The following CHODL variants were observed in gnomAD, a reference collection of about 807,000 sequenced individuals.
CHODL encodes transmembrane protein MT75.
Under a neutral mutation model 34.5 loss-of-function variants are expected in CHODL, and 29 were observed. The ratio of observed to expected loss-of-function variants is 0.84; its 90% CI spans 0.63 to 1.15. The LOEUF is 1.15. Ranked by LOEUF, CHODL falls within the 50% of genes most tolerant of loss-of-function variation. CHODL has a pLI of 0.00. For synonymous variants in CHODL, 125 were observed against 116.1 expected, an observed-to-expected ratio of 1.08 and a Z score of -0.49; for missense variants, 332 against 332.5, an observed-to-expected ratio of 1.00 and a Z score of 0.01.
intron 2 of CHODL, among the ~76,000 whole-genome samples, chr21:18,079,451 G>A (rs774560119): frequency 4.0e-4 from 58 of 144,368 alleles, no homozygotes; most frequent in Middle Eastern, 3.6e-3. Flanking sequence ...ATATACCATA[G>A]AATATTATAT....
At chr21:18,223,877 A>G (rs1177666014) in intron 2 of CHODL, among the ~76,000 whole-genome samples, 3 of 152,218 alleles carry the variant, frequency 2.0e-5, no homozygotes, top group Non-Finnish European at 2.9e-5. Flanking sequence ...TCATTAGTCA[A>G]TTTAGAATAA....
chr21:17,931,673 GA>G (rs2063274586), intron 1 of CHODL, among the ~76,000 whole-genome samples: 1 of 152,100 alleles, frequency 6.6e-6, no homozygotes, highest in African/African-American at 2.4e-5. Flanking sequence ...TGTAGCATAT[GA>G]AAGAAGAAAT....
chr21:17,941,542 C>T (rs1048660919), intron 1 of CHODL, among the ~76,000 whole-genome samples: 1 of 148,508 alleles, frequency 6.7e-6, no homozygotes, highest in Admixed American at 6.8e-5. Flanking sequence ...GGAACATTGA[C>T]TAGTATTTTA....
At position 17,918,766 on chromosome 21, in the gene CHODL, T is replaced by A. The variant is rs146671408; in HGVS notation, c.-145+1366T>A. On this transcript the variant is annotated intron_variant, in intron 1 of 6. Coordinates refer to the CHODL transcript ENST00000400127. ...GCATTAACTCAGAAGTCTACAGTCC[T>A]AAGTCTTATCTGCGGTAAGGCAAGT... 8.0e-3 allele frequency among the ~76,000 whole-genome samples: 1,217 copies of A among 152,276 alleles called. 18 individuals carry two copies. Among genetic ancestry groups the A allele is most frequent in the African/African-American group, 0.027 (1,121 of 41,544 alleles).
intron 1 of CHODL, among the ~76,000 whole-genome samples, chr21:18,003,099 G>T (rs2146402277): frequency 6.7e-6 from 1 of 149,628 alleles, no homozygotes; most frequent in African/African-American, 2.5e-5. Context: ...ACTCCAGCCT[G>T]GGCGACAGCG....
chr21:17,957,906 C>A (rs28500), intron 1 of CHODL, among the ~76,000 whole-genome samples: 2 of 151,252 alleles, frequency 1.3e-5, no homozygotes, highest in South Asian at 2.1e-4. Context: ...TTATAAATAC[C>A]CCTCAGAACT....
At chr21:18,098,698 A>G (rs187227934) in intron 2 of CHODL, among the ~76,000 whole-genome samples, 8 of 152,280 alleles carry the variant, frequency 5.3e-5, no homozygotes, top group Admixed American at 3.3e-4. Context: ...TAGAAATAAC[A>G]TATAATCCAG....
chr21:17,944,086 T>G (rs963875858), intron 1 of CHODL, among the ~76,000 whole-genome samples: 1 of 120,614 alleles, frequency 8.3e-6, no homozygotes, highest in African/African-American at 3.5e-5. Context: ...GCCACTAGAC[T>G]GTTATTCTTC....
chr21:17,923,365 A>G (rs1015879234), intron 1 of CHODL, among the ~76,000 whole-genome samples: 28 of 149,452 alleles, frequency 1.9e-4, no homozygotes, highest in African/African-American at 6.6e-4. Flanking sequence ...TCAATTTTAC[A>G]GATTTGTAAA....
intron 1 of CHODL, among the ~76,000 whole-genome samples, chr21:17,965,648 C>CT (rs1401619484): frequency 6.6e-6 from 1 of 152,162 alleles, no homozygotes; most frequent in Non-Finnish European, 1.5e-5. Flanking sequence ...TTTCACGTCA[C>CT]TTTCTTCTGC....
chr21:18,136,130 A>AG (rs1568904706), intron 2 of CHODL, among the ~76,000 whole-genome samples: 3 of 151,132 alleles, frequency 2.0e-5, no homozygotes, highest in Non-Finnish European at 3.0e-5. Flanking sequence ...AAAAAGAAAA[A>AG]AAAGAAAAAA....
intron 2 of CHODL, among the ~76,000 whole-genome samples, chr21:18,203,663 G>T (rs2073680540): frequency 6.6e-6 from 1 of 152,048 alleles, no homozygotes; most frequent in South Asian, 2.1e-4. Context: ...CACTTGGTAA[G>T]ATTTTGTTCA....
intron 2 of CHODL, among the ~76,000 whole-genome samples, chr21:18,151,082 C>CAAAAAA (rs61176066): frequency 4.9e-5 from 6 of 122,994 alleles, no homozygotes; most frequent in East Asian, 2.8e-4. Flanking sequence ...GACTCTGTGT[C>CAAAAAA]AAAAAAAAAA....
At chr21:18,090,958 G>A (rs970757138) in intron 2 of CHODL, among the ~76,000 whole-genome samples, 1 of 152,134 alleles carries the variant, frequency 6.6e-6, no homozygotes, top group Non-Finnish European at 1.5e-5. Flanking sequence ...GACAAAACAG[G>A]CATCTTGAAT....
At chr21:18,050,033 T>C (rs900255538) in intron 2 of CHODL, among the ~76,000 whole-genome samples, 1 of 151,928 alleles carries the variant, frequency 6.6e-6, no homozygotes, top group Non-Finnish European at 1.5e-5. Flanking sequence ...TTAAGAGTTA[T>C]GCAGACAAAA....
chr21:18,165,227 C>G (rs1184717595), intron 2 of CHODL, among the ~76,000 whole-genome samples: 1 of 152,226 alleles, frequency 6.6e-6, no homozygotes, highest in Non-Finnish European at 1.5e-5. Context: ...TGTACTCATA[C>G]AAGCCATCAT....
intron 2 of CHODL, among the ~76,000 whole-genome samples, chr21:18,088,139 G>T (rs1308364387): frequency 2.6e-5 from 4 of 152,164 alleles, no homozygotes; most frequent in African/African-American, 7.2e-5. Flanking sequence ...AATTTATCAT[G>T]AGATTTGGGC....
At chr21:17,935,711 G>T (rs1385693628) in intron 1 of CHODL, among the ~76,000 whole-genome samples, 2 of 152,192 alleles carry the variant, frequency 1.3e-5, no homozygotes, top group Non-Finnish European at 2.9e-5. Flanking sequence ...AATCTCTAAA[G>T]AGTGTAGCAT....
rs367673941 is a variant in CHODL at position 18,053,457 on chromosome 21, T to C, written c.-45+25486T>C. Among the ~76,000 whole-genome samples the C allele has an allele frequency of 7.9e-5, 12 of 151,986 alleles. No individual in the cohort carries two copies. In the South Asian group the frequency reaches 2.3e-3, roughly 29 times the overall value. ...GGTTTCCATTAAAATATGGAATTGG[T>C]CTAGCATGATTAATTTGTCATGGCT... On this transcript the variant is annotated intron_variant, in intron 2 of 6. Coordinates refer to the CHODL transcript ENST00000400127.
Sources: gnomAD v4.1 joint callset for allele counts (sites outside exome capture counted in the v4.1 genomes callset) on GRCh38, gnomAD v4.1.1 for gene constraint, MANE v1.5 for transcripts, NCBI Gene and HGNC (gene_info 2026-07-23, HGNC 2026-07-21) for gene names.